The following MCTP1 variants were observed in gnomAD, a reference collection of about 807,000 sequenced individuals.
The protein encoded by MCTP1 is multiple C2 and transmembrane domain containing 1, also known as multiple C2 and transmembrane domain-containing protein 1.
MCTP1 carries 69 observed loss-of-function variants against 120.6 expected under a neutral mutation model. The observed-to-expected ratio is 0.57, with a 90% CI of 0.47 to 0.70. MCTP1 has a LOEUF of 0.70. Among genes scored for constraint, MCTP1 ranks in the 30% least tolerant of loss-of-function variants. The pLI, the probability that MCTP1 is intolerant of heterozygous loss-of-function variation, is 0.00. For missense variants in MCTP1, 1,203 were observed against 1,248.8 expected (o/e 0.96, Z 0.55); for synonymous variants, 529 against 493.1 (o/e 1.07, Z -0.96).
intron 1 of MCTP1, among the ~76,000 whole-genome samples, chr5:95,141,337 C>G (rs1236165002): frequency 6.6e-6 from 1 of 152,178 alleles, no homozygotes; most frequent in East Asian, 1.9e-4. Context: ...GCTGGTTACT[C>G]AAGACCACAG....
chr5:95,168,564 C>CT (rs1746762919), intron 1 of MCTP1, among the ~76,000 whole-genome samples: 1 of 152,182 alleles, frequency 6.6e-6, no homozygotes, highest in African/African-American at 2.4e-5. Context: ...TTTGTGTCCT[C>CT]TTTTATTTCG....
At chr5:95,137,796 T>C (rs1295415076) in intron 1 of MCTP1, among the ~76,000 whole-genome samples, 1 of 152,208 alleles carries the variant, frequency 6.6e-6, no homozygotes, top group African/African-American at 2.4e-5. Flanking sequence ...ATAATTCTGC[T>C]TTTTTAATGT....
intron 2 of MCTP1, among the ~76,000 whole-genome samples, chr5:95,001,314 C>T (rs372328566): frequency 5.2e-4 from 79 of 152,134 alleles, no homozygotes; most frequent in African/African-American, 1.7e-3. Context: ...GTAAAGATAC[C>T]AAAAAATGTG....
intron 20 of MCTP1, among the ~76,000 whole-genome samples, chr5:94,713,749 G>A (rs1292077232): frequency 6.6e-6 from 1 of 152,060 alleles, no homozygotes; most frequent in Non-Finnish European, 1.5e-5. Context: ...GTAAGAAAGT[G>A]GAAACTCAGC....
rs547228490 is a variant in MCTP1 at position 94,779,409 on chromosome 5, A to C, written c.2557-246T>G. 3.9e-5 allele frequency among the ~76,000 whole-genome samples: 6 copies of C among 152,322 alleles called. No individual in the cohort carries two copies. In the South Asian group the frequency reaches 6.2e-4, roughly 16 times the overall value. Reference sequence around the variant, plus strand: ...GTTTTGTGACAACCTAAAGAATTTGAAATATGCATAAGGTAAACCAATATT... The same window carrying C: ...GTTTTGTGACAACCTAAAGAATTTGCAATATGCATAAGGTAAACCAATATT... On this transcript the variant is annotated intron_variant, in intron 18 of 22. Coordinates refer to ENST00000515393, the MANE Select transcript of MCTP1 (RefSeq NM_024717.7).
At chr5:95,225,507 C>A (rs1179123509) in intron 1 of MCTP1, among the ~76,000 whole-genome samples, 3 of 152,170 alleles carry the variant, frequency 2.0e-5, no homozygotes, top group Non-Finnish European at 4.4e-5. Flanking sequence ...CTTCCCAAAC[C>A]AGGAGCAAAT....
intron 1 of MCTP1, among the ~76,000 whole-genome samples, chr5:95,027,506 G>A (rs966173383): frequency 1.3e-5 from 2 of 152,190 alleles, no homozygotes; most frequent in South Asian, 2.1e-4. Flanking sequence ...AGAAGGCCAC[G>A]TGTAACCTCA....
chr5:95,013,478 A>T (rs568819805), intron 2 of MCTP1, among the ~76,000 whole-genome samples: 3 of 152,164 alleles, frequency 2.0e-5, no homozygotes, highest in Non-Finnish European at 2.9e-5. Context: ...GCTGACTCTC[A>T]TGTTAGGGGC....
intron 20 of MCTP1, 69 bp downstream of exon 20, chr5:94,714,708 C>T (rs1347753420): frequency 1.1e-6 from 1 of 908,292 alleles, no homozygotes; most frequent in African/African-American, 1.6e-5. Context: ...TGTGGCATTT[C>T]ACCCTCCAAG....
chr5:95,185,326 C>A (rs988298960), intron 1 of MCTP1, among the ~76,000 whole-genome samples: 18 of 152,138 alleles, frequency 1.2e-4, no homozygotes, highest in Admixed American at 2.6e-4. Flanking sequence ...CAATAACATA[C>A]CATGACCAAG....
intron 18 of MCTP1, among the ~76,000 whole-genome samples, chr5:94,785,654 C>T (rs1009549880): frequency 6.6e-6 from 1 of 151,934 alleles, no homozygotes; most frequent in Non-Finnish European, 1.5e-5. Flanking sequence ...TGTACTTATG[C>T]CTCTATATTT....
chr5:94,824,119 T>A (rs530609179), intron 17 of MCTP1, among the ~76,000 whole-genome samples: 24 of 152,340 alleles, frequency 1.6e-4, no homozygotes, highest in African/African-American at 5.8e-4. Context: ...CCTTGTCTTG[T>A]GCCGGTTTTC....
At chr5:94,828,061 C>A (rs1038958781) in intron 17 of MCTP1, among the ~76,000 whole-genome samples, 1 of 152,130 alleles carries the variant, frequency 6.6e-6, no homozygotes, top group Non-Finnish European at 1.5e-5. Context: ...GAATTTTCAG[C>A]CTTTTTGCAC....
intron 2 of MCTP1, among the ~76,000 whole-genome samples, chr5:94,991,354 A>G (rs994252397): frequency 6.6e-6 from 1 of 152,194 alleles, no homozygotes; most frequent in African/African-American, 2.4e-5. Flanking sequence ...TGTTCATAAC[A>G]TTAAATATTT....
chr5:95,083,956 A>G lies in MCTP1; in HGVS notation c.721-66472T>C, dbSNP rs575623438. On this transcript the variant is annotated intron_variant, in intron 1 of 22. Coordinates refer to ENST00000515393, the MANE Select transcript of MCTP1 (RefSeq NM_024717.7). ...GTTATCTAGATGCACTGAGATGCAT[A>G]GCTCCCTAAAAGATGTTAAGCAGAA... Among the ~76,000 whole-genome samples the G allele has an allele frequency of 8.5e-5, 13 of 152,334 alleles. No individual in the cohort carries two copies. In the East Asian group the frequency reaches 2.5e-3, roughly 29 times the overall value.
At position 94,823,241 on chromosome 5, in the gene MCTP1, G is replaced by C. The variant is rs1056872756; in HGVS notation, c.2437-24109C>G. 2.0e-5 allele frequency among the ~76,000 whole-genome samples: 3 copies of C among 152,088 alleles called. No individual in the cohort carries two copies. In the South Asian group the frequency reaches 6.2e-4, roughly 32 times the overall value. On this transcript the variant is annotated intron_variant, in intron 17 of 22. Transcript: ENST00000515393. ...AATTTTTGTATAAGGTGTAAGGAAG[G>C]GTCCAGTTTAAGTTTTCAGTATATG...
intron 1 of MCTP1, among the ~76,000 whole-genome samples, chr5:95,083,583 A>C (rs1165396851): frequency 6.6e-6 from 1 of 152,218 alleles, no homozygotes; most frequent in Non-Finnish European, 1.5e-5. Context: ...TAGAATGTTA[A>C]GAGTAGAACT....
intron 17 of MCTP1, among the ~76,000 whole-genome samples, chr5:94,854,415 T>C (rs1340665111): frequency 2.0e-5 from 3 of 151,838 alleles, no homozygotes; most frequent in Non-Finnish European, 2.9e-5. Flanking sequence ...TATTCAATTA[T>C]GGCAACTGCT....
intron 1 of MCTP1, among the ~76,000 whole-genome samples, chr5:95,096,761 T>C (rs1187385617): frequency 6.6e-6 from 1 of 152,184 alleles, no homozygotes; most frequent in Non-Finnish European, 1.5e-5. Flanking sequence ...CTTTTATGCC[T>C]GAAAGGGCAG....
Sources: gnomAD v4.1 joint callset for allele counts (sites outside exome capture counted in the v4.1 genomes callset) on GRCh38, gnomAD v4.1.1 for gene constraint, MANE v1.5 for transcripts, NCBI Gene and HGNC (gene_info 2026-07-23, HGNC 2026-07-21) for gene names.